Variants in ADAMTS17 observed in about 807,000 individuals in gnomAD.
ADAMTS17 encodes the protein ADAM metallopeptidase with thrombospondin type 1 motif 17.
In ADAMTS17, 113 loss-of-function variants were observed where a neutral mutation model predicts 141.5. The ratio of observed to expected loss-of-function variants is 0.80; its 90% CI spans 0.69 to 0.93. The LOEUF (loss-of-function observed/expected upper bound fraction) is 0.93, where lower values mean the gene tolerates loss of function less well. Ranked by LOEUF, ADAMTS17 falls within the 40% of genes least tolerant of loss-of-function variation. The pLI is 0.00. For synonymous variants in ADAMTS17, 768 were observed against 630.6 expected (o/e 1.22, Z -3.27); for missense variants, 1,659 against 1,517.9 (o/e 1.09, Z -1.54).
At chr15:100,308,935 T>A (rs1156900850) in intron 3 of ADAMTS17, among the ~76,000 whole-genome samples, 1 of 152,190 alleles carries the variant, frequency 6.6e-6, no homozygotes, top group Non-Finnish European at 1.5e-5. Flanking sequence ...AACTTCTGGG[T>A]CCCCAAATAC....
In ADAMTS17 at chr15:99,997,632, G is replaced by A. The variant is rs769102110; in HGVS notation, c.2592-43C>T. ...AGAGAGAGAGAACGACTGGGTGAGA[G>A]GCCAGCCTCTCCGGAGGGCCTTCCG... On this transcript the variant is annotated intron_variant, in intron 18 of 21. Coordinates refer to ENST00000268070, the MANE Select transcript of ADAMTS17 (RefSeq NM_139057.4). This position sits in a 1 kb window ranked among gnomAD's most constrained non-coding sequence, Gnocchi z 4.7. The A allele has an allele frequency of 1.2e-6, 2 of 1,610,394 alleles. No homozygotes were observed. The highest frequency in any genetic ancestry group is 3.3e-5 in the Admixed American group (2 of 60,020).
intron 15 of ADAMTS17, among the ~76,000 whole-genome samples, chr15:100,081,309 G>A (rs1476337167): frequency 6.6e-6 from 1 of 152,072 alleles, no homozygotes; most frequent in Non-Finnish European, 1.5e-5. Context: ...AGCCTATTGT[G>A]GGATGTTGTG....
chr15:100,087,057 AT>A (rs1228642816), intron 15 of ADAMTS17, among the ~76,000 whole-genome samples: 1 of 152,084 alleles, frequency 6.6e-6, no homozygotes, highest in Non-Finnish European at 1.5e-5. Flanking sequence ...CCAGGAGCTG[AT>A]TTTTTGAAAA....
intron 3 of ADAMTS17, among the ~76,000 whole-genome samples, chr15:100,318,980 C>T (rs1283654149): frequency 6.6e-6 from 1 of 152,260 alleles, no homozygotes; most frequent in East Asian, 1.9e-4. Flanking sequence ...CAAGCCTGTG[C>T]TACACACACA....
At chr15:100,142,455 G>A (rs192723734) in intron 10 of ADAMTS17, among the ~76,000 whole-genome samples, 2 of 152,314 alleles carry the variant, frequency 1.3e-5, no homozygotes. Flanking sequence ...GCTAAACAGT[G>A]TTTCCTCCTG....
intron 10 of ADAMTS17, 47 bp from the exon 11 acceptor site, chr15:100,133,362 C>T (rs767607501): frequency 9.8e-6 from 15 of 1,528,490 alleles, no homozygotes; most frequent in Non-Finnish European, 1.2e-5. Context: ...CACCCACACT[C>T]ACAGGTCACA....
chr15:100,039,651 C>T (rs1280106946), intron 18 of ADAMTS17, among the ~76,000 whole-genome samples: 1 of 152,148 alleles, frequency 6.6e-6, no homozygotes, highest in Admixed American at 6.5e-5. Context: ...GATTTATTTA[C>T]TGGCCTAGTG....
At chr15:100,189,061 C>T (rs959411820) in intron 8 of ADAMTS17, among the ~76,000 whole-genome samples, 5 of 152,206 alleles carry the variant, frequency 3.3e-5, no homozygotes, top group South Asian at 2.1e-4. Flanking sequence ...ATGTTCTACA[C>T]GAGTCCCCTG....
intron 12 of ADAMTS17, among the ~76,000 whole-genome samples, chr15:100,124,788 G>A (rs2037640865): frequency 1.3e-5 from 2 of 151,686 alleles, no homozygotes; most frequent in South Asian, 4.2e-4. Flanking sequence ...TGGAGAGAAA[G>A]GTGAGCTCTA....
At chr15:100,046,555 C>G (rs1232186186) in intron 18 of ADAMTS17, among the ~76,000 whole-genome samples, 2 of 152,246 alleles carry the variant, frequency 1.3e-5, no homozygotes, top group Non-Finnish European at 2.9e-5. Flanking sequence ...GAGGGACCGG[C>G]TGAAGCCATG....
chr15:100,046,858 T>C lies in ADAMTS17; in HGVS notation c.2591+1999A>G, dbSNP rs549722050. Among the ~76,000 whole-genome samples, 94 of 152,124 alleles carry C rather than the reference T, an allele frequency of 6.2e-4. 1 individual carries two copies. Among genetic ancestry groups the C allele is most frequent in the Non-Finnish European group, 3.7e-4 (25 of 68,026 alleles). Reference sequence around the variant, plus strand: ...TTGTAGAGCATGTGTGTTTGAACAATATGAAATCTGGGCACCTTGAAAAAA... The same window carrying C: ...TTGTAGAGCATGTGTGTTTGAACAACATGAAATCTGGGCACCTTGAAAAAA... On this transcript the variant is annotated intron_variant, in intron 18 of 21. Transcript: ENST00000268070.
In ADAMTS17 at chr15:100,225,607, C is replaced by A. The variant is rs551674275; in HGVS notation, c.1076-26184G>T. 1.1e-4 allele frequency among the ~76,000 whole-genome samples: 17 copies of A among 150,696 alleles called. No homozygotes were observed. The South Asian group carries it at 3.6e-3, about 32-fold the overall frequency. On this transcript the variant is annotated intron_variant, in intron 7 of 21. Coordinates refer to ENST00000268070, the MANE Select transcript of ADAMTS17 (RefSeq NM_139057.4). ...GTCACGGTCTCTGTGCCATTCAGTCCTTACAGCAGTCACGGTCTCTGTGCC... is the reference window on the plus strand; with the variant it reads ...GTCACGGTCTCTGTGCCATTCAGTCATTACAGCAGTCACGGTCTCTGTGCC...
intron 4 of ADAMTS17, among the ~76,000 whole-genome samples, chr15:100,280,388 C>T (rs897209800): frequency 9.2e-5 from 14 of 152,114 alleles, no homozygotes; most frequent in African/African-American, 3.1e-4. Flanking sequence ...ATTCCCACTC[C>T]AACCTCTCCC....
chr15:100,138,706 C>T (rs1305399218), intron 10 of ADAMTS17, among the ~76,000 whole-genome samples: 2 of 152,098 alleles, frequency 1.3e-5, no homozygotes, highest in African/African-American at 4.8e-5. Flanking sequence ...AAGAGTTGGG[C>T]AGAGACAATA....
chr15:100,000,319 C>A (rs1333028604), intron 18 of ADAMTS17, among the ~76,000 whole-genome samples: 1 of 152,148 alleles, frequency 6.6e-6, no homozygotes, highest in Non-Finnish European at 1.5e-5. Flanking sequence ...GAAGACAGTT[C>A]TTTTGTTCCC....
chr15:99,994,057 G>A (rs532608757), intron 19 of ADAMTS17, among the ~76,000 whole-genome samples: 2 of 152,262 alleles, frequency 1.3e-5, no homozygotes, highest in South Asian at 2.1e-4. Context: ...GGGGAGGGAC[G>A]GTGCCCGGGC....
rs866463284 is a variant in ADAMTS17, at chr15:100,187,957, G to A, written c.1181+11361C>T. Among the ~76,000 whole-genome samples, 12 of 152,294 alleles carry A rather than the reference G, an allele frequency of 7.9e-5. No homozygotes were observed. In the South Asian group the frequency reaches 2.1e-3, roughly 26 times the overall value. The stretch of plus-strand genomic sequence containing the variant: ...GCAATAACCAGGCGGGATGGTGTGC[G>A]ACTGTAGTCCAAGCAACGTAGGAGG... On this transcript the variant is annotated intron_variant, in intron 8 of 21. Transcript: ENST00000268070.
intron 8 of ADAMTS17, among the ~76,000 whole-genome samples, chr15:100,187,234 G>A (rs543972473): frequency 2.7e-4 from 41 of 152,322 alleles, no homozygotes; most frequent in East Asian, 7.7e-4. Context: ...ATCTGTCAGC[G>A]TGCCCACTGT....
intron 8 of ADAMTS17, among the ~76,000 whole-genome samples, chr15:100,170,416 C>T (rs1001711735): frequency 1.3e-5 from 2 of 152,030 alleles, no homozygotes; most frequent in Admixed American, 1.3e-4. Context: ...CGCGGAAAGT[C>T]CCTCAGCACG....
Sources: allele counts gnomAD v4.1 joint callset (sites outside exome capture counted in the v4.1 genomes callset), GRCh38; gene constraint gnomAD v4.1.1; non-coding constraint Gnocchi (gnomAD v3.1); transcripts MANE v1.5; gene names NCBI Gene and HGNC (gene_info 2026-07-23, HGNC 2026-07-21).